Variants in MYO1H observed in about 807,000 individuals in gnomAD.
MYO1H encodes myosin IH.
A neutral mutation model predicts 149.3 loss-of-function variants in MYO1H; 118 were observed. That is an observed-to-expected ratio of 0.79 (90% confidence interval 0.68 to 0.92). The LOEUF (loss-of-function observed/expected upper bound fraction) is 0.92, where lower values mean the gene tolerates loss of function less well. MYO1H is among the 40% of genes least tolerant of loss of function. The pLI, the probability that MYO1H is intolerant of heterozygous loss-of-function variation, is 0.00. For synonymous variants in MYO1H, 447 were observed against 465.2 expected, an observed-to-expected ratio of 0.96 and a Z score of 0.50; for missense variants, 1,212 against 1,280.7, an observed-to-expected ratio of 0.95 and a Z score of 0.82.
At chr12:109,427,032 G>A (rs113936347) in intron 18 of MYO1H, among the ~76,000 whole-genome samples, 2 of 152,062 alleles carry the variant, frequency 1.3e-5, no homozygotes, top group African/African-American at 4.8e-5. Context: ...AGCACAATTG[G>A]GCTGGGCATA....
At chr12:109,424,873 G>A in intron 17 of MYO1H, 45 bp downstream of exon 17, 2 of 1,497,278 alleles carry the variant, frequency 1.3e-6, no homozygotes, top group Middle Eastern at 1.7e-4. Flanking sequence ...TCACCAGAGG[G>A]TGAGATGACC....
chr12:109,448,095 T>G (rs1872566078), exon 32 of MYO1H: 1 of 152,184 alleles, frequency 6.6e-6, no homozygotes, highest in African/African-American at 2.4e-5. Flanking sequence ...GTCTTATTTT[T>G]GATTTAATTA....
At chr12:109,344,285 G>A (rs529816111), upstream of MYO1H, among the ~76,000 whole-genome samples, 1 of 152,144 alleles carries the variant, frequency 6.6e-6, no homozygotes, top group East Asian at 1.9e-4. Context: ...GCTAATAAGT[G>A]ATTTCAGCAA....
At chr12:109,387,585 C>G (rs76120983) in intron 1 of MYO1H, among the ~76,000 whole-genome samples, 8,948 of 152,292 alleles carry the variant, frequency 0.059, 860 homozygotes, top group African/African-American at 0.2. Flanking sequence ...AAAGGCAGGC[C>G]GCTTCTCTTC....
chr12:109,380,236 T>C (rs577854681), intron 1 of MYO1H, among the ~76,000 whole-genome samples: 3 of 152,180 alleles, frequency 2.0e-5, no homozygotes, highest in East Asian at 1.9e-4. Context: ...AGGAGGAGGA[T>C]GAGAATGCAG....
intron 20 of MYO1H, among the ~76,000 whole-genome samples, chr12:109,434,766 G>A (rs901302194): frequency 1.3e-5 from 2 of 152,130 alleles, no homozygotes; most frequent in African/African-American, 2.4e-5. Context: ...AGCTGTAGCC[G>A]TGTCCCTCCA....
At chr12:109,376,115 C>G (rs1240691717) in intron 1 of MYO1H, among the ~76,000 whole-genome samples, 1 of 151,312 alleles carries the variant, frequency 6.6e-6, no homozygotes, top group Non-Finnish European at 1.5e-5. Context: ...TACTGAAATA[C>G]AATTCATACA....
At chr12:109,410,618 C>A (rs1870622332) in intron 12 of MYO1H, 70 bp from the exon 13 acceptor site, 1 of 1,016,536 alleles carries the variant, frequency 9.8e-7, no homozygotes, top group Non-Finnish European at 1.5e-6. Flanking sequence ...TTTTAGAAAA[C>A]CAATTTAAAA....
At chr12:109,315,144 T>C in the MYO1H span, among the ~76,000 whole-genome samples, 2 of 152,182 alleles carry the variant, frequency 1.3e-5, no homozygotes, top group African/African-American at 4.8e-5. Context: ...TCTTCTGCCC[T>C]GAATCCATTA....
intron 14 of MYO1H, among the ~76,000 whole-genome samples, chr12:109,413,512 G>A (rs1451316132): frequency 6.6e-6 from 1 of 152,138 alleles, no homozygotes; most frequent in Non-Finnish European, 1.5e-5. Flanking sequence ...AGTGAATCAA[G>A]AATGGAAAAA....
chr12:109,411,857 G>T lies in MYO1H; in HGVS notation c.1411-37G>T, dbSNP rs1006675349. 8.3e-6 allele frequency: 12 copies of T among 1,441,024 alleles called. No homozygotes were observed. The African/African-American group carries it at 1.5e-4, about 19-fold the overall frequency. 89.3% of individuals were successfully genotyped at this position (1,441,024 alleles called of 1,614,324 possible). ...TTTAAACTTGGCATTGATGGAGTGT[G>T]GTGCTGTGGATTGAGGCTTCTCTTT... is the stretch of plus-strand genomic sequence containing the variant. On this transcript the variant is annotated intron_variant, in intron 13 of 31. Transcript: ENST00000310903.
At chr12:109,414,679 T>C (rs190716218) in intron 14 of MYO1H, among the ~76,000 whole-genome samples, 8 of 152,222 alleles carry the variant, frequency 5.3e-5, no homozygotes, top group Admixed American at 4.6e-4. Context: ...CTTTTATTTC[T>C]CAGCATTTAT....
At chr12:109,359,169 T>C (rs1010263612) in intron 1 of MYO1H, 4 of 152,250 alleles carry the variant, frequency 2.6e-5, no homozygotes, top group Admixed American at 1.3e-4. Context: ...ACCCAGGCAT[T>C]TGAGCGCCTC....
At chr12:109,409,490 C>A in intron 10 of MYO1H, 67 bp from the exon 11 acceptor site, 2 of 1,355,146 alleles carry the variant, frequency 1.5e-6, no homozygotes, top group Non-Finnish European at 2.1e-6. Flanking sequence ...TTTAGGGGAG[C>A]AGCAACAGTT....
chr12:109,327,754 A>AAAAAAG, the MYO1H span, among the ~76,000 whole-genome samples: 1 of 150,598 alleles, frequency 6.6e-6, no homozygotes, highest in Non-Finnish European at 1.5e-5. Context: ...AAAAAAAAAA[A>AAAAAAG]AAAGAAAGAA....
chr12:109,332,023 A>G, the MYO1H span, among the ~76,000 whole-genome samples: 1 of 151,912 alleles, frequency 6.6e-6, no homozygotes, highest in Non-Finnish European at 1.5e-5. Context: ...AACACAATCT[A>G]TCTCATGGGG....
rs1321419165 is a variant in MYO1H, at chr12:109,388,678, C to T, written c.13-5C>T. The T allele has an allele frequency of 1.2e-5, 18 of 1,549,784 alleles. No homozygotes were observed. Among genetic ancestry groups the T allele is most frequent in the Non-Finnish European group, 1.6e-5 (18 of 1,143,676 alleles). On this transcript the variant is annotated splice_polypyrimidine_tract_variant and splice_region_variant and intron_variant, in intron 1 of 31. Transcript: ENST00000310903. ...AGCTGCTGAAGAATGTTCTATTTCC[C>T]GTAGAAAGAAGACGTGAGGAGGAAA...
rs1199726210 is a variant in MYO1H at position 109,427,915 on chromosome 12, T to A, written c.1949+329T>A. Reference sequence around the variant, plus strand: ...AAAAAAAAAAAAAAAAAAAAATATATATATATATATATATATATATATTAG... The same window carrying A: ...AAAAAAAAAAAAAAAAAAAAATATAAATATATATATATATATATATATTAG... On this transcript the variant is annotated intron_variant, in intron 19 of 31. Transcript: ENST00000310903. Among the ~76,000 whole-genome samples, 323 of 57,554 alleles carry A rather than the reference T, an allele frequency of 5.6e-3. 4 individuals carry two copies. Among genetic ancestry groups the A allele is most frequent in the Non-Finnish European group, 7.1e-3 (221 of 31,222 alleles). The allele number at this position is 57,554 out of a possible 152,430, so 37.8% of individuals were successfully genotyped here.
chr12:109,349,060 T>G (rs1182278037), intron 1 of MYO1H, among the ~76,000 whole-genome samples: 1 of 152,204 alleles, frequency 6.6e-6, no homozygotes, highest in Non-Finnish European at 1.5e-5. Context: ...CATTCTTGCA[T>G]GATATCTCAA....
Sources: gnomAD v4.1 joint callset for allele counts (sites outside exome capture counted in the v4.1 genomes callset) on GRCh38, gnomAD v4.1.1 for gene constraint, MANE v1.5 for transcripts, NCBI Gene and HGNC (gene_info 2026-07-23, HGNC 2026-07-21) for gene names.